KIF21A: variants seen among roughly 807,000 people sequenced by gnomAD.
KIF21A encodes the protein kinesin family member 21A.
A neutral mutation model predicts 202.9 loss-of-function variants in KIF21A; 114 were observed. That is an observed-to-expected ratio of 0.56 (90% CI 0.48 to 0.66). KIF21A has a LOEUF of 0.66. KIF21A is among the 30% of genes least tolerant of loss of function. The pLI is 0.00. For missense variants in KIF21A, 1,677 were observed against 1,994.9 expected (o/e 0.84, Z 3.04); for synonymous variants, 667 against 670.8 (o/e 0.99, Z 0.09).
Position 39,294,416 on chromosome 12 carries a change from A to C in KIF21A, c.*8T>G. On this transcript the variant is annotated 3_prime_UTR_variant, in exon 38 of 38. Coordinates refer to ENST00000361418, the MANE Select transcript of KIF21A (RefSeq NM_001173464.2). ...AGCATTCAGTTTACAACCTATCTTC[A>C]TTCATGTTTAATTACTGGCAATATC... The C allele has an allele frequency of 6.3e-7, 1 of 1,594,210 alleles. No individual in the cohort carries two copies. Among genetic ancestry groups the C allele is most frequent in the Non-Finnish European group, 8.6e-7 (1 of 1,161,898 alleles).
At position 39,303,010 on chromosome 12, in the gene KIF21A, A is replaced by G. The variant is rs1454211070; in HGVS notation, c.4686T>C (p.Asp1562=). The stretch of plus-strand genomic sequence containing the variant: ...TTAAGTCCCATTTCTTGATTCCATT[A>G]TCTCTAGACCCACTAAATAGGTTAT... The part of the protein sequence containing the change: ...QGDNLFSGSR[D]NGIKKWDLTQ... The change falls in exon 36 of 38, where the codon GAT becomes GAC. Residue 1562 remains aspartate (D), a synonymous_variant. Coordinates refer to ENST00000361418, the MANE Select transcript of KIF21A (RefSeq NM_001173464.2). The G allele has an allele frequency of 1.2e-6, 2 of 1,613,930 alleles. No homozygotes were observed. The highest frequency in any genetic ancestry group is 1.7e-6 in the Non-Finnish European group (2 of 1,179,918).
At chr12:39,406,924 C>A (rs1165275520) in intron 1 of KIF21A, among the ~76,000 whole-genome samples, 1 of 152,204 alleles carries the variant, frequency 6.6e-6, no homozygotes, top group Non-Finnish European at 1.5e-5. Context: ...TTTCTTACTT[C>A]AGTGAGCAAA....
intron 28 of KIF21A, 125 bp downstream of exon 28, chr12:39,319,781 T>C: frequency 1.5e-6 from 1 of 672,764 alleles, no homozygotes; most frequent in South Asian, 1.8e-5. Context: ...ACTGTCTTGA[T>C]TAGTCAAATA....
At chr12:39,378,792 AT>A (rs1950424346) in intron 1 of KIF21A, among the ~76,000 whole-genome samples, 1 of 152,208 alleles carries the variant, frequency 6.6e-6, no homozygotes, top group Admixed American at 6.5e-5. Flanking sequence ...AATTAAACAT[AT>A]GGTCAATGAA....
chr12:39,441,458 C>T (rs1939566710), intron 1 of KIF21A, among the ~76,000 whole-genome samples: 1 of 151,742 alleles, frequency 6.6e-6, no homozygotes, highest in African/African-American at 2.4e-5. Flanking sequence ...CTGTCTTTTT[C>T]CTTCCCCTTT....
intron 1 of KIF21A, among the ~76,000 whole-genome samples, chr12:39,373,403 C>G (rs926271164): frequency 6.6e-6 from 1 of 152,126 alleles, no homozygotes; most frequent in Non-Finnish European, 1.5e-5. Context: ...TGGGAGCTCA[C>G]ACAAACTCTG....
intron 1 of KIF21A, among the ~76,000 whole-genome samples, chr12:39,402,410 A>C (rs1208096883): frequency 2.6e-5 from 4 of 152,186 alleles, no homozygotes; most frequent in Non-Finnish European, 5.9e-5. Flanking sequence ...TCTACAATAA[A>C]TAGTACACTA....
intron 11 of KIF21A, among the ~76,000 whole-genome samples, chr12:39,347,635 T>C (rs918064927): frequency 1.3e-5 from 2 of 152,076 alleles, no homozygotes; most frequent in African/African-American, 4.8e-5. Flanking sequence ...CACATCAACT[T>C]ATATGCCGCC....
At chr12:39,354,945 C>T (rs1000951808) in intron 10 of KIF21A, among the ~76,000 whole-genome samples, 6 of 152,152 alleles carry the variant, frequency 3.9e-5, no homozygotes, top group Non-Finnish European at 7.3e-5. Context: ...CAAGGTCGTA[C>T]ACCTTATTGA....
At chr12:39,323,695 C>A (rs780062748) in intron 26 of KIF21A, among the ~76,000 whole-genome samples, 2 of 152,168 alleles carry the variant, frequency 1.3e-5, no homozygotes, top group Non-Finnish European at 2.9e-5. Flanking sequence ...AGATTATAAG[C>A]CTCCAGAAAG....
In KIF21A at chr12:39,341,631, T is replaced by C; in HGVS notation, c.1804-9A>G. 6.3e-7 allele frequency: 1 copy of C among 1,597,628 alleles called. No individual in the cohort carries two copies. The highest frequency in any genetic ancestry group is 1.1e-5 in the South Asian group (1 of 89,936). ...ACTTCTTGACTTTCTTCCTAAAATG[T>C]GATTTGTAAAAATTAATAGCACAAT... is the stretch of plus-strand genomic sequence containing the variant. On this transcript the variant is annotated splice_polypyrimidine_tract_variant and intron_variant, in intron 13 of 37. Transcript: ENST00000361418.
chr12:39,380,524 AT>A (rs1366106075), intron 1 of KIF21A, among the ~76,000 whole-genome samples: 2 of 152,210 alleles, frequency 1.3e-5, no homozygotes, highest in Admixed American at 1.3e-4. Flanking sequence ...AATTCTTATA[AT>A]AAAAAAGGTT....
chr12:39,354,457 C>A (rs1948621294), intron 10 of KIF21A, among the ~76,000 whole-genome samples: 1 of 152,054 alleles, frequency 6.6e-6, no homozygotes. Flanking sequence ...TTTTAATTTT[C>A]TCTTACATTT....
At chr12:39,345,977 G>GTTGTCATTT (rs150403527) in intron 12 of KIF21A, among the ~76,000 whole-genome samples, 7,142 of 151,852 alleles carry the variant, frequency 0.047, 225 homozygotes, top group Non-Finnish European at 0.075. Context: ...CCTTTTGTTT[G>GTTGTCATTT]TTGTCATTTT....
At chr12:39,422,662 AG>A (rs58729867) in intron 1 of KIF21A, among the ~76,000 whole-genome samples, 7 of 152,328 alleles carry the variant, frequency 4.6e-5, no homozygotes, top group African/African-American at 1.7e-4. Flanking sequence ...TAGCCATCTA[AG>A]GCCTTCAAGT....
chr12:39,376,083 C>G (rs1950252887), intron 1 of KIF21A, among the ~76,000 whole-genome samples: 1 of 152,034 alleles, frequency 6.6e-6, no homozygotes, highest in African/African-American at 2.4e-5. Flanking sequence ...CAGACTGTTG[C>G]TGTATTTTTT....
intron 1 of KIF21A, among the ~76,000 whole-genome samples, chr12:39,412,874 C>T (rs1290419925): frequency 6.6e-6 from 1 of 152,186 alleles, no homozygotes; most frequent in Non-Finnish European, 1.5e-5. Context: ...AAATGCTGCA[C>T]TAAAACTACT....
At chr12:39,302,598 A>T (rs1471973806) in intron 36 of KIF21A, among the ~76,000 whole-genome samples, 2 of 152,196 alleles carry the variant, frequency 1.3e-5, no homozygotes, top group Non-Finnish European at 2.9e-5. Flanking sequence ...ATTACTCTTG[A>T]CTTTAGCTAA....
At chr12:39,440,262 T>G (rs181797177) in intron 1 of KIF21A, among the ~76,000 whole-genome samples, 8 of 152,308 alleles carry the variant, frequency 5.3e-5, no homozygotes, top group Admixed American at 5.2e-4. Context: ...AAGTGAAACT[T>G]TGCAAAGCCA....
Sources: allele counts gnomAD v4.1 joint callset (sites outside exome capture counted in the v4.1 genomes callset), GRCh38; gene constraint gnomAD v4.1.1; transcripts MANE v1.5; gene names NCBI Gene and HGNC (gene_info 2026-07-23, HGNC 2026-07-21).